Variants in DOCK11 observed in about 807,000 individuals in gnomAD.
The protein encoded by DOCK11 is dedicator of cytokinesis 11.
A neutral mutation model predicts 169.1 loss-of-function variants in DOCK11; 70 were observed. The ratio of observed to expected loss-of-function variants is 0.41; its 90% CI spans 0.34 to 0.51. The LOEUF (loss-of-function observed/expected upper bound fraction) is 0.51, where lower values mean the gene tolerates loss of function less well. DOCK11 is among the 20% of genes least tolerant of loss of function. The pLI is 0.10. For synonymous variants in DOCK11, 529 were observed against 541.3 expected (o/e 0.98, Z 0.32); for missense variants, 1,166 against 1,538.8 (o/e 0.76, Z 4.05).
chrX:118,507,285 T>C (rs1275894322), intron 1 of DOCK11, among the ~76,000 whole-genome samples: 7 of 112,440 alleles, frequency 6.2e-5, no homozygotes, highest in Non-Finnish European at 1.3e-4. Flanking sequence ...CAAGTGTTGC[T>C]TCCAAGTCTC....
chrX:118,584,837 G>T lies in DOCK11; in HGVS notation c.1698G>T (p.Lys566Asn). The change falls in exon 15 of 53, where the codon AAG (lysine) becomes AAT (asparagine). Residue 566 changes from lysine (K) to asparagine (N), a missense_variant. Transcript: ENST00000276202. ...SSKLSSEDIL[K>N]LLSEYKKPEK... ...AGCTTTCAAGTGAAGACATTCTCAA[G>T]TTGCTCTCAGAATATAAGAAGTAAG... is the stretch of plus-strand genomic sequence containing the variant. The T allele has an allele frequency of 8.3e-7, 1 of 1,197,686 alleles. No individual in the cohort carries two copies.
chrX:118,520,894 C>A (rs954361301), intron 1 of DOCK11, among the ~76,000 whole-genome samples: 1 of 111,727 alleles, frequency 9.0e-6, no homozygotes, highest in African/African-American at 3.3e-5. Context: ...ATTTGGAGTT[C>A]TAAGTAGTAC....
chrX:118,559,337 T>C (rs965559298), intron 6 of DOCK11, among the ~76,000 whole-genome samples: 5 of 112,252 alleles, frequency 4.5e-5, no homozygotes, highest in African/African-American at 1.6e-4. Flanking sequence ...GTGGATTCTG[T>C]AGGCTGTCCC....
At chrX:118,508,933 C>G (rs549965831) in intron 1 of DOCK11, among the ~76,000 whole-genome samples, 1 of 112,379 alleles carries the variant, frequency 8.9e-6, no homozygotes, top group South Asian at 3.7e-4. Flanking sequence ...CAGTACTGCC[C>G]CTAGGCTCAG....
At chrX:118,671,468 AAAC>A (rs766670748) in intron 46 of DOCK11, among the ~76,000 whole-genome samples, 3 of 104,827 alleles carry the variant, frequency 2.9e-5, no homozygotes, top group African/African-American at 6.8e-5. Context: ...GCATGTATGG[AAAC>A]AACATTTCCC....
intron 46 of DOCK11, among the ~76,000 whole-genome samples, chrX:118,674,207 A>G (rs7053557): frequency 0.18 from 20,267 of 110,580 alleles, 1,378 homozygotes; most frequent in Middle Eastern, 0.32. Context: ...TTGGAGTACA[A>G]TGGCATGATC....
chrX:118,622,348 G>A (rs759782234), intron 31 of DOCK11, among the ~76,000 whole-genome samples: 29 of 111,530 alleles, frequency 2.6e-4, no homozygotes, highest in African/African-American at 8.5e-4. Context: ...TAGATCTACC[G>A]CATTTTAAAA....
rs951364778 is a variant in DOCK11 at position 118,590,311 on chromosome X, A to G, written c.2139+9A>G. On this transcript the variant is annotated intron_variant, in intron 19 of 52. Coordinates refer to ENST00000276202, the MANE Select transcript of DOCK11 (RefSeq NM_144658.4). Reference sequence around the variant, plus strand: ...CAGAGTTCTATGATGAGGTAAAAATATATTATCCTGACATTTCTAAAACAC... The same window carrying G: ...CAGAGTTCTATGATGAGGTAAAAATGTATTATCCTGACATTTCTAAAACAC... The G allele has an allele frequency of 1.7e-6, 2 of 1,152,465 alleles. No individual in the cohort carries two copies. Among genetic ancestry groups the G allele is most frequent in the Non-Finnish European group, 2.4e-6 (2 of 845,421 alleles). 95.0% of individuals were successfully genotyped at this position (1,152,465 alleles called of 1,213,427 possible).
intron 4 of DOCK11, among the ~76,000 whole-genome samples, chrX:118,544,763 T>C (rs181767862): frequency 0.013 from 1,266 of 99,631 alleles, 26 homozygotes; most frequent in African/African-American, 0.044. Flanking sequence ...CGGGTTCAGG[T>C]GATTCTTCTG....
chrX:118,518,679 C>T (rs2057704542), intron 1 of DOCK11, among the ~76,000 whole-genome samples: 1 of 112,367 alleles, frequency 8.9e-6, no homozygotes, highest in African/African-American at 3.2e-5. Context: ...CCATATACTA[C>T]TGCAGTGGTG....
rs1569441223 is a variant in DOCK11 at position 118,648,152 on chromosome X, TA to T, written c.4399-792del. ...ATATAATATAATATATAAATTAATA[TA>T]TAATAATATAATATATAATATAATA... On this transcript the variant is annotated intron_variant, in intron 40 of 52. Transcript: ENST00000276202. Among the ~76,000 whole-genome samples, 273 of 76,368 alleles carry T rather than the reference TA, an allele frequency of 3.6e-3. 1 individual carries two copies. Among genetic ancestry groups the T allele is most frequent in the African/African-American group, 0.014 (254 of 17,870 alleles). The allele number at this position is 76,368 out of a possible 115,157, so 66.3% of individuals were successfully genotyped here.
chrX:118,683,650 C>T (rs1320808142), intron 52 of DOCK11, among the ~76,000 whole-genome samples: 1 of 112,192 alleles, frequency 8.9e-6, no homozygotes, highest in Non-Finnish European at 1.9e-5. Flanking sequence ...ACAGTTATTT[C>T]ATTTGCATGC....
At chrX:118,536,441 C>G (rs978209270) in intron 1 of DOCK11, among the ~76,000 whole-genome samples, 4 of 111,905 alleles carry the variant, frequency 3.6e-5, no homozygotes, top group Non-Finnish European at 5.6e-5. Flanking sequence ...CATATTCACA[C>G]ACCACTCTTG....
intron 39 of DOCK11, 35 bp downstream of exon 39, chrX:118,641,340 T>C (rs372646156): frequency 4.8e-5 from 48 of 1,007,311 alleles, no homozygotes; most frequent in Non-Finnish European, 6.4e-5. Context: ...GTTGGTACCA[T>C]TGCAAAGTAA....
chrX:118,682,251 G>A (rs888636628), intron 51 of DOCK11, among the ~76,000 whole-genome samples: 1 of 110,058 alleles, frequency 9.1e-6, no homozygotes, highest in Non-Finnish European at 1.9e-5. Context: ...TTCAGTGAGC[G>A]GCTCTGTAAG....
Position 118,566,042 on chromosome X carries a change from T to C in DOCK11, c.731T>C (p.Met244Thr). 8.3e-7 allele frequency: 1 copy of C among 1,211,128 alleles called. No homozygotes were observed. Among genetic ancestry groups the C allele is most frequent in the South Asian group, 1.8e-5 (1 of 56,845 alleles). ...KMRRHAFELK[M>T]LDKYSHYLAA... ...CGCCGTCATGCTTTTGAACTCAAGA[T>C]GTTAGATAAATATAGCCATTATCTG... Residue 244 changes from methionine (M) to threonine (T), a missense_variant, in exon 8 of 53, where the codon ATG (methionine) becomes ACG (threonine). By Grantham distance (81) the Met-to-Thr change is moderately conservative (BLOSUM62 -1). Transcript: ENST00000276202.
intron 6 of DOCK11, among the ~76,000 whole-genome samples, chrX:118,549,327 T>C (rs1235921097): frequency 9.3e-6 from 1 of 107,891 alleles, no homozygotes; most frequent in African/African-American, 3.4e-5. Context: ...GTATTTTTAT[T>C]AGAGACGGGG....
At chrX:118,593,007 A>C (rs1337985842) in intron 19 of DOCK11, among the ~76,000 whole-genome samples, 1 of 112,765 alleles carries the variant, frequency 8.9e-6, no homozygotes, top group Non-Finnish European at 1.9e-5. Context: ...AAAAGTAATA[A>C]ATCAACTCTC....
chrX:118,585,152 T>A, intron 16 of DOCK11, 35 bp downstream of exon 16: 2 of 1,091,682 alleles, frequency 1.8e-6, no homozygotes, highest in Non-Finnish European at 2.5e-6. Context: ...TTAAGCATAA[T>A]GTTTGAATGT....
Sources: gnomAD v4.1 joint callset for allele counts (sites outside exome capture counted in the v4.1 genomes callset) on GRCh38, gnomAD v4.1.1 for gene constraint, MANE v1.5 for transcripts, NCBI Gene and HGNC (gene_info 2026-07-23, HGNC 2026-07-21) for gene names.